The following GRIK2 variants were observed in gnomAD, a reference collection of about 807,000 sequenced individuals.
The protein encoded by GRIK2 is glutamate ionotropic receptor kainate type subunit 2, also known as glutamate receptor ionotropic, kainate 2.
In GRIK2, 32 loss-of-function variants were observed where a neutral mutation model predicts 100.3. The observed-to-expected ratio is 0.32, with a 90% CI of 0.24 to 0.43. GRIK2 has a LOEUF of 0.43. Among genes scored for constraint, GRIK2 ranks in the 20% least tolerant of loss-of-function variants. The probability of loss-of-function intolerance (pLI) is 1.00; values close to 1 mark genes in which losing one functional copy is unlikely to be tolerated. For synonymous variants in GRIK2, 417 were observed against 389.4 expected, an observed-to-expected ratio of 1.07 and a Z score of -0.83; for missense variants, 843 against 1,114.9, an observed-to-expected ratio of 0.76 and a Z score of 3.47.
intron 7 of GRIK2, among the ~76,000 whole-genome samples, chr6:101,751,059 C>G (rs1776755668): frequency 6.6e-6 from 1 of 151,992 alleles, no homozygotes; most frequent in East Asian, 1.9e-4. Context: ...TTTGTAAGGT[C>G]ACCTCTATTT....
At chr6:101,817,243 T>C (rs966341168) in intron 9 of GRIK2, among the ~76,000 whole-genome samples, 5 of 152,124 alleles carry the variant, frequency 3.3e-5, no homozygotes, top group Admixed American at 1.3e-4. Context: ...ATTAACTCCA[T>C]ATGAGGAAAT....
At chr6:101,716,700 G>T (rs977861495) in intron 7 of GRIK2, among the ~76,000 whole-genome samples, 5 of 151,636 alleles carry the variant, frequency 3.3e-5, no homozygotes, top group Admixed American at 3.3e-4. Flanking sequence ...GTATACATAT[G>T]TAACAAACCT....
At chr6:101,907,151 A>G (rs1435979172) in intron 12 of GRIK2, among the ~76,000 whole-genome samples, 1 of 151,782 alleles carries the variant, frequency 6.6e-6, no homozygotes, top group Non-Finnish European at 1.5e-5. Context: ...TATTAGATAT[A>G]TAACATTTAA....
chr6:101,422,999 C>G (rs552689226), intron 2 of GRIK2, among the ~76,000 whole-genome samples: 5 of 151,900 alleles, frequency 3.3e-5, no homozygotes, highest in African/African-American at 7.2e-5. Context: ...TTCATTACCA[C>G]ATGGGATGCA....
In GRIK2 at chr6:101,520,043, T is replaced by C. The variant is rs148814909; in HGVS notation, c.116-101906T>C. 6.1e-3 allele frequency among the ~76,000 whole-genome samples: 923 copies of C among 152,222 alleles called. 8 individuals carry two copies. The highest frequency in any genetic ancestry group is 0.03 in the South Asian group (144 of 4,822). On this transcript the variant is annotated intron_variant, in intron 2 of 16. Transcript: ENST00000369134. The stretch of plus-strand genomic sequence containing the variant: ...TAAGACATTGACTGGAAGACATAGA[T>C]TGTCTCAAAATCACAAAGACCCTAA...
chr6:101,926,212 T>G (rs1409144365), intron 13 of GRIK2, among the ~76,000 whole-genome samples: 2 of 149,606 alleles, frequency 1.3e-5, no homozygotes, highest in East Asian at 1.9e-4. Flanking sequence ...TTTTTTTTTT[T>G]TTTTTTTCCC....
At chr6:102,066,577 G>A (rs914416018) in intron 16 of GRIK2, among the ~76,000 whole-genome samples, 2 of 151,464 alleles carry the variant, frequency 1.3e-5, no homozygotes, top group South Asian at 2.1e-4. Flanking sequence ...TTGGGATGAT[G>A]TGAAAGATGA....
chr6:102,009,371 G>A (rs576207268), intron 14 of GRIK2, among the ~76,000 whole-genome samples: 1 of 152,066 alleles, frequency 6.6e-6, no homozygotes, highest in South Asian at 2.1e-4. Context: ...GAGATTATTT[G>A]CATTTCCTGA....
chr6:101,520,927 A>G (rs1472006791), intron 2 of GRIK2, among the ~76,000 whole-genome samples: 2 of 152,104 alleles, frequency 1.3e-5, no homozygotes, highest in East Asian at 3.8e-4. Flanking sequence ...GCTAATTTAT[A>G]TATGCATTTG....
intron 14 of GRIK2, among the ~76,000 whole-genome samples, chr6:102,011,762 A>G (rs559484662): frequency 4.7e-5 from 7 of 149,186 alleles, no homozygotes; most frequent in Admixed American, 3.3e-4. Flanking sequence ...TTTTTTTTGT[A>G]TTTTTACTAG....
At chr6:101,898,393 GT>G (rs540717622) in intron 12 of GRIK2, among the ~76,000 whole-genome samples, 20 of 151,278 alleles carry the variant, frequency 1.3e-4, no homozygotes, top group South Asian at 6.3e-4. Flanking sequence ...AAACTTGGCA[GT>G]TTTTTTTATT....
intron 4 of GRIK2, among the ~76,000 whole-genome samples, chr6:101,634,941 T>C (rs909314099): frequency 2.6e-5 from 4 of 152,040 alleles, no homozygotes; most frequent in African/African-American, 9.7e-5. Context: ...TAATGGAAAG[T>C]CAATTAATAG....
At chr6:101,792,547 C>G (rs1357838360) in intron 7 of GRIK2, among the ~76,000 whole-genome samples, 1 of 152,024 alleles carries the variant, frequency 6.6e-6, no homozygotes, top group African/African-American at 2.4e-5. Context: ...CCACTCTCTT[C>G]TGGCTTGTAG....
chr6:101,816,049 T>G (rs1781610932), intron 9 of GRIK2, among the ~76,000 whole-genome samples: 1 of 152,138 alleles, frequency 6.6e-6, no homozygotes, highest in Non-Finnish European at 1.5e-5. Context: ...TTAGCTAAAT[T>G]ATTTTTATAA....
chr6:101,757,538 A>G (rs999191987), intron 7 of GRIK2, among the ~76,000 whole-genome samples: 2 of 152,236 alleles, frequency 1.3e-5, no homozygotes, highest in African/African-American at 4.8e-5. Context: ...CTCAACATGC[A>G]GATGAGATAA....
intron 14 of GRIK2, among the ~76,000 whole-genome samples, chr6:102,001,320 T>A (rs1220934560): frequency 6.6e-6 from 1 of 151,908 alleles, no homozygotes; most frequent in Non-Finnish European, 1.5e-5. Flanking sequence ...AAGCACCACA[T>A]GCATTAGGTA....
At chr6:101,409,434 A>G (rs563701654) in intron 2 of GRIK2, among the ~76,000 whole-genome samples, 1 of 152,258 alleles carries the variant, frequency 6.6e-6, no homozygotes, top group East Asian at 1.9e-4. Context: ...TTAAGCACTC[A>G]TGAATGTATA....
chr6:101,558,692 T>C (rs1776858065), intron 2 of GRIK2, among the ~76,000 whole-genome samples: 1 of 148,404 alleles, frequency 6.7e-6, no homozygotes, highest in African/African-American at 2.5e-5. Context: ...CTATGTTGAC[T>C]GCTAGTTTTC....
intron 14 of GRIK2, 46 bp downstream of exon 14, chr6:101,928,678 G>A (rs973470497): frequency 1.1e-6 from 1 of 927,568 alleles, no homozygotes. Context: ...AAATGATAGA[G>A]CGCAAACTTC....
Sources: allele counts gnomAD v4.1 joint callset (sites outside exome capture counted in the v4.1 genomes callset), GRCh38; gene constraint gnomAD v4.1.1; transcripts MANE v1.5; gene names NCBI Gene and HGNC (gene_info 2026-07-23, HGNC 2026-07-21).